SLC7A8: variants seen among roughly 807,000 people sequenced by gnomAD.
SLC7A8 encodes the protein solute carrier family 7 member 8.
SLC7A8 carries 30 observed loss-of-function variants against 51.2 expected under a neutral mutation model. The observed-to-expected ratio is 0.59, with a 90% CI of 0.44 to 0.80. The LOEUF (loss-of-function observed/expected upper bound fraction) is 0.80. SLC7A8 is among the 30% of genes least tolerant of loss of function. SLC7A8 has a pLI of 0.00. For synonymous variants in SLC7A8, 257 were observed against 275.8 expected, an observed-to-expected ratio of 0.93 and a Z score of 0.67; for missense variants, 612 against 674.4, an observed-to-expected ratio of 0.91 and a Z score of 1.03.
chr14:23,158,432 G>A (rs755053815), intron 3 of SLC7A8, among the ~76,000 whole-genome samples: 2 of 152,170 alleles, frequency 1.3e-5, no homozygotes, highest in Non-Finnish European at 2.9e-5. Context: ...TGCAACCTCC[G>A]CCTCCTGGGT....
intron 1 of SLC7A8, among the ~76,000 whole-genome samples, chr14:23,180,123 G>A (rs997964321): frequency 2.0e-5 from 3 of 152,058 alleles, no homozygotes; most frequent in Non-Finnish European, 4.4e-5. Context: ...AGCCAGGATG[G>A]TCTTGATCTC....
chr14:23,166,249 TG>T, intron 2 of SLC7A8, 86 bp downstream of exon 2: 1 of 1,443,940 alleles, frequency 6.9e-7, no homozygotes, highest in Non-Finnish European at 9.6e-7. Context: ...TGGAAACCCC[TG>T]GCCTTGGCTT....
intron 3 of SLC7A8, among the ~76,000 whole-genome samples, chr14:23,157,470 A>G (rs972628619): frequency 6.6e-6 from 1 of 152,116 alleles, no homozygotes; most frequent in Non-Finnish European, 1.5e-5. Flanking sequence ...TTCTGTCTGA[A>G]ACCCTTCAAA....
At chr14:23,166,752 C>T (rs761309859) in intron 1 of SLC7A8, among the ~76,000 whole-genome samples, 5 of 152,174 alleles carry the variant, frequency 3.3e-5, no homozygotes, top group Non-Finnish European at 5.9e-5. Flanking sequence ...GGAACTTGGT[C>T]AGGTACTTTC....
In SLC7A8 at chr14:23,128,395, G is replaced by C. The variant is rs565035931; in HGVS notation, c.1264-199C>G. On this transcript the variant is annotated intron_variant, in intron 9 of 10. Coordinates refer to ENST00000316902, the MANE Select transcript of SLC7A8 (RefSeq NM_012244.4). The surrounding 1 kb of genome is among the most constrained non-coding windows in gnomAD (Gnocchi z 4.3). Reference sequence around the variant, plus strand: ...TAAACAAATGTTGATGAACATGGTCGGTCAGACAGGAAGAGGATGGGGAGG... The same window carrying C: ...TAAACAAATGTTGATGAACATGGTCCGTCAGACAGGAAGAGGATGGGGAGG... 96 of 1,518,084 alleles carry C rather than the reference G, an allele frequency of 6.3e-5. 1 individual carries two copies. In the South Asian group the frequency reaches 1.1e-3, roughly 18 times the overall value. The allele number at this position is 1,518,084 out of a possible 1,614,324, so 94.0% of individuals were successfully genotyped here. A position where few individuals can be genotyped will look rare whatever the true frequency, so the allele number is the denominator to read the frequency against.
chr14:23,171,787 C>T (rs552027146), intron 1 of SLC7A8, among the ~76,000 whole-genome samples: 42 of 152,284 alleles, frequency 2.8e-4, no homozygotes, highest in African/African-American at 9.1e-4. Flanking sequence ...TTGATCTTCA[C>T]GCCAGGCCTG....
At chr14:23,144,542 G>A (rs1353355445) in intron 3 of SLC7A8, among the ~76,000 whole-genome samples, 1 of 151,974 alleles carries the variant, frequency 6.6e-6, no homozygotes, top group Admixed American at 6.6e-5. Context: ...TGGTGTGGTC[G>A]CTCTGACTTC....
At chr14:23,168,121 T>C (rs80294033) in intron 1 of SLC7A8, among the ~76,000 whole-genome samples, 2,366 of 152,254 alleles carry the variant, frequency 0.016, 68 homozygotes, top group African/African-American at 0.054. Context: ...AAATTAGTGA[T>C]AATAATTATC....
intron 3 of SLC7A8, among the ~76,000 whole-genome samples, chr14:23,158,386 C>T (rs2048904816): frequency 6.6e-6 from 1 of 152,206 alleles, no homozygotes; most frequent in Admixed American, 6.5e-5. Context: ...AGCTCTGTCG[C>T]CCAGGCTGGA....
chr14:23,140,429 GC>G (rs1337516592), intron 5 of SLC7A8, 41 bp downstream of exon 5: 13 of 1,560,440 alleles, frequency 8.3e-6, no homozygotes, highest in Non-Finnish European at 1.1e-5. Context: ...AGGTGCTGTG[GC>G]CCTTCAAGGG....
At position 23,183,189 on chromosome 14, in the gene SLC7A8, A is replaced by G. The variant is rs1184139840; in HGVS notation, c.-275T>C. On this transcript the variant is annotated 5_prime_UTR_variant, in exon 1 of 11. Coordinates refer to ENST00000316902, the MANE Select transcript of SLC7A8 (RefSeq NM_012244.4). ...GGGGAGACATACATTTAAATATAAA[A>G]ATAGAACTGTGCCAGCGACTCCGGC... is the stretch of plus-strand genomic sequence containing the variant. The G allele has an allele frequency of 5.1e-6, 2 of 389,886 alleles. No individual in the cohort carries two copies. Among genetic ancestry groups the G allele is most frequent in the African/African-American group, 4.3e-5 (2 of 46,894 alleles). 24.2% of individuals were successfully genotyped at this position (389,886 alleles called of 1,614,324 possible). A position where few individuals can be genotyped will look rare whatever the true frequency, so the allele number is the denominator to read the frequency against.
chr14:23,136,332 C>T (rs1328413257), intron 7 of SLC7A8, among the ~76,000 whole-genome samples: 1 of 152,218 alleles, frequency 6.6e-6, no homozygotes, highest in Admixed American at 6.5e-5. Context: ...TCATCGTGCA[C>T]ATAGCCAGGG....
chr14:23,155,430 T>A, intron 3 of SLC7A8: 1 of 1,440,304 alleles, frequency 6.9e-7, no homozygotes, highest in Non-Finnish European at 9.1e-7. Flanking sequence ...CGCCAGCTGC[T>A]GGAGCTGGGG....
chr14:23,158,538 G>T (rs902751541), intron 3 of SLC7A8, among the ~76,000 whole-genome samples: 16 of 152,284 alleles, frequency 1.1e-4, no homozygotes, highest in Admixed American at 2.0e-4. Flanking sequence ...TAGCGACGGG[G>T]TTTCACCATA....
chr14:23,156,051 T>C (rs971269007), intron 3 of SLC7A8, among the ~76,000 whole-genome samples: 57 of 151,516 alleles, frequency 3.8e-4, no homozygotes, highest in African/African-American at 1.4e-3. Flanking sequence ...CAGGCTGGAG[T>C]GCAATGGCAC....
At chr14:23,174,264 A>G (rs1419667890) in intron 1 of SLC7A8, among the ~76,000 whole-genome samples, 2 of 152,260 alleles carry the variant, frequency 1.3e-5, no homozygotes, top group Non-Finnish European at 2.9e-5. Flanking sequence ...GTATTTGTGC[A>G]TTTCCTAAAT....
chr14:23,148,377 C>T lies in SLC7A8; in HGVS notation c.509-5173G>A, dbSNP rs778643930. Reference sequence around the variant, plus strand: ...CCAAGTAGCTGGGATTACAGGTGTCCGCCACCACGCCTGGCTAATTTTTGT... The same window carrying T: ...CCAAGTAGCTGGGATTACAGGTGTCTGCCACCACGCCTGGCTAATTTTTGT... On this transcript the variant is annotated intron_variant, in intron 3 of 10. Transcript: ENST00000316902. Among the ~76,000 whole-genome samples, 9 of 152,026 alleles carry T rather than the reference C, an allele frequency of 5.9e-5. No individual in the cohort carries two copies. In the South Asian group the frequency reaches 8.3e-4, roughly 14 times the overall value.
At chr14:23,170,361 G>A (rs1161552433) in intron 1 of SLC7A8, among the ~76,000 whole-genome samples, 1 of 152,138 alleles carries the variant, frequency 6.6e-6, no homozygotes, top group East Asian at 1.9e-4. Flanking sequence ...GACTTTCCTG[G>A]AGTGGCTTTG....
chr14:23,163,072 C>A (rs2140333289), intron 3 of SLC7A8, among the ~76,000 whole-genome samples: 1 of 152,290 alleles, frequency 6.6e-6, no homozygotes, highest in East Asian at 1.9e-4. Context: ...TTCCTGCATT[C>A]CCACGCCCTC....
Sources: gnomAD v4.1 joint callset for allele counts (sites outside exome capture counted in the v4.1 genomes callset) on GRCh38, gnomAD v4.1.1 for gene constraint, Gnocchi (gnomAD v3.1) non-coding constraint, MANE v1.5 for transcripts, NCBI Gene and HGNC (gene_info 2026-07-23, HGNC 2026-07-21) for gene names.